Variants in ANK3 observed in about 807,000 individuals in gnomAD.
ANK3 encodes the protein ankyrin-3.
ANK3 carries 57 observed loss-of-function variants against 370.9 expected under a neutral mutation model. The observed-to-expected ratio is 0.15, with a 90% CI of 0.12 to 0.19. The LOEUF (loss-of-function observed/expected upper bound fraction) is 0.19, where lower values mean the gene tolerates loss of function less well. Among genes scored for constraint, ANK3 ranks in the 10% least tolerant of loss-of-function variants. The pLI is 1.00. For missense variants in ANK3, 4,439 were observed against 5,302.1 expected (o/e 0.84, Z 5.06); for synonymous variants, 1,929 against 1,946.3 (o/e 0.99, Z 0.23).
chr10:60,504,752 C>T (rs2075890337), intron 2 of ANK3, among the ~76,000 whole-genome samples: 1 of 152,100 alleles, frequency 6.6e-6, no homozygotes, highest in Non-Finnish European at 1.5e-5. Flanking sequence ...ACAGAACATT[C>T]TATAGGACCC....
chr10:60,029,943 A>G (rs1275020953), intron 43 of ANK3, 117 bp from the exon 44 acceptor site: 1 of 132,280 alleles, frequency 7.6e-6, no homozygotes, highest in Non-Finnish European at 1.5e-5. Context: ...CATTCAATAG[A>G]AAAGTCTTAG....
At chr10:60,199,144 A>G (rs1234297278) in intron 13 of ANK3, among the ~76,000 whole-genome samples, 2 of 152,134 alleles carry the variant, frequency 1.3e-5, no homozygotes, top group African/African-American at 4.8e-5. Context: ...GGCAGGAGGT[A>G]CTCACCAAGT....
Position 60,075,436 on chromosome 10 carries a change from T to C in ANK3, c.5445A>G (p.Val1815=). 1 of 1,613,054 alleles carries C rather than the reference T, an allele frequency of 6.2e-7. No individual in the cohort carries two copies. The highest frequency in any genetic ancestry group is 8.5e-7 in the Non-Finnish European group (1 of 1,179,984). ...CTGGCACTGTTATAATTGATGAAGT[T>C]ACAGATGAGGTAGTTGCAGATATTG... is the stretch of plus-strand genomic sequence containing the variant. ...GSSISATTSS[V]TSSIITVPVY... The change falls in exon 37 of 44, where the codon GTA becomes GTG. Residue 1815 remains valine, a synonymous_variant. Coordinates refer to ENST00000280772, the MANE Select transcript of ANK3 (RefSeq NM_020987.5).
At position 60,501,221 on chromosome 10, in the gene ANK3, G is replaced by A. The variant is rs979168829; in HGVS notation, c.96+113965C>T. 4.1e-4 allele frequency among the ~76,000 whole-genome samples: 62 copies of A among 152,188 alleles called. 1 individual carries two copies. Among genetic ancestry groups the A allele is most frequent in the Admixed American group, 3.9e-3 (60 of 15,282 alleles). On this transcript the variant is annotated intron_variant, in intron 2 of 43. Coordinates refer to the ANK3 transcript ENST00000373827. ...GAGGACAGTGGGCTGAGAGCAGGCA[G>A]GAGGTGAGAGGAGGAGGACGGAATG... is the stretch of plus-strand genomic sequence containing the variant.
At chr10:60,648,792 C>G (rs2078747268) in intron 1 of ANK3, among the ~76,000 whole-genome samples, 1 of 107,984 alleles carries the variant, frequency 9.3e-6, no homozygotes, top group Non-Finnish European at 2.0e-5. Flanking sequence ...AAAATTCTTG[C>G]TGGGAGTAGA....
intron 1 of ANK3, among the ~76,000 whole-genome samples, chr10:60,353,945 C>T (rs1009913786): frequency 3.3e-5 from 5 of 152,336 alleles, no homozygotes; most frequent in East Asian, 1.9e-4. Context: ...TGACCAGGCA[C>T]GAAATGGCTG....
chr10:60,275,758 C>T (rs2098081649), intron 4 of ANK3, among the ~76,000 whole-genome samples: 1 of 152,118 alleles, frequency 6.6e-6, no homozygotes. Flanking sequence ...CTAGAAAAAT[C>T]TGTTCACTAA....
In ANK3 at chr10:60,160,115, C is replaced by G. The variant is rs185968929; in HGVS notation, c.2614+6476G>C. On this transcript the variant is annotated intron_variant, in intron 23 of 43. Coordinates refer to ENST00000280772, the MANE Select transcript of ANK3 (RefSeq NM_020987.5). ...CTAAAAATATACTACAAAAGATCAA[C>G]AAGACAAAAAGTTGGTTTTTGAAAA... Among the ~76,000 whole-genome samples, 8 of 151,744 alleles carry G rather than the reference C, an allele frequency of 5.3e-5. No individual in the cohort carries two copies. The East Asian group carries it at 1.6e-3, about 29-fold the overall frequency.
chr10:60,233,938 A>G, intron 8 of ANK3, among the ~76,000 whole-genome samples: 1 of 152,000 alleles, frequency 6.6e-6, no homozygotes, highest in Non-Finnish European at 1.5e-5. Flanking sequence ...CTACCATACT[A>G]CTTTCTGTTT....
intron 28 of ANK3, among the ~76,000 whole-genome samples, chr10:60,105,206 A>C (rs1294318950): frequency 2.2e-5 from 3 of 137,212 alleles, no homozygotes; most frequent in African/African-American, 7.4e-5. Flanking sequence ...CCTGTTCTCT[A>C]ATTTTTTTTT....
At chr10:60,618,860 C>T (rs75026145) in intron 1 of ANK3, among the ~76,000 whole-genome samples, 2,357 of 152,034 alleles carry the variant, frequency 0.016, 32 homozygotes, top group Non-Finnish European at 0.024. Flanking sequence ...TTCACCTGAC[C>T]CTAAATAAAT....
intron 1 of ANK3, among the ~76,000 whole-genome samples, chr10:60,636,831 A>G (rs2078561570): frequency 6.6e-6 from 1 of 152,226 alleles, no homozygotes; most frequent in African/African-American, 2.4e-5. Context: ...ATATGAAAAG[A>G]TTTGGGAACA....
chr10:60,039,595 AG>A (rs1318355196), intron 43 of ANK3, among the ~76,000 whole-genome samples: 1 of 152,134 alleles, frequency 6.6e-6, no homozygotes, highest in African/African-American at 2.4e-5. Flanking sequence ...TATTAATATA[AG>A]TAGTAGTTAA....
chr10:60,127,859 G>A (rs575221902), intron 25 of ANK3, among the ~76,000 whole-genome samples: 54 of 151,256 alleles, frequency 3.6e-4, no homozygotes, highest in African/African-American at 1.1e-3. Context: ...CACCATGCCC[G>A]GCTAATTTTT....
chr10:60,480,048 T>A (rs2075172410), intron 2 of ANK3, among the ~76,000 whole-genome samples: 1 of 152,096 alleles, frequency 6.6e-6, no homozygotes, highest in Non-Finnish European at 1.5e-5. Context: ...AAAACTATTG[T>A]TCAGGAAATG....
chr10:60,614,547 A>G (rs1329584560), intron 2 of ANK3, among the ~76,000 whole-genome samples: 5 of 152,218 alleles, frequency 3.3e-5, no homozygotes, highest in South Asian at 2.1e-4. Context: ...ATGAATGGTG[A>G]TGACTCCAGG....
Position 60,146,036 on chromosome 10 carries a change from A to C in ANK3, c.2615-6949T>G, listed in dbSNP as rs984677855. The stretch of plus-strand genomic sequence containing the variant: ...GCATCTATTACCTATTCAAAAAATG[A>C]ATAAAATTAACAAAATAAAACAAAA... On this transcript the variant is annotated intron_variant, in intron 23 of 43. Coordinates refer to ENST00000280772, the MANE Select transcript of ANK3 (RefSeq NM_020987.5). 4 of 1,481,818 alleles carry C rather than the reference A, an allele frequency of 2.7e-6. No homozygotes were observed. In the Admixed American group the frequency reaches 7.9e-5, roughly 29 times the overall value. The allele number at this position is 1,481,818 out of a possible 1,614,324, so 91.8% of individuals were successfully genotyped here.
intron 2 of ANK3, among the ~76,000 whole-genome samples, chr10:60,594,669 G>A (rs2077962742): frequency 1.3e-5 from 2 of 151,984 alleles, no homozygotes; most frequent in African/African-American, 4.8e-5. Flanking sequence ...TGTAGACACA[G>A]CAAATTTTTT....
intron 2 of ANK3, among the ~76,000 whole-genome samples, chr10:60,557,041 C>G (rs898751164): frequency 1.3e-5 from 2 of 152,206 alleles, no homozygotes; most frequent in Admixed American, 6.5e-5. Flanking sequence ...CCCCCTCCCC[C>G]ACTGCTGTCG....
Sources: allele counts gnomAD v4.1 joint callset (sites outside exome capture counted in the v4.1 genomes callset), GRCh38; gene constraint gnomAD v4.1.1; transcripts MANE v1.5; gene names NCBI Gene and HGNC (gene_info 2026-07-23, HGNC 2026-07-21).